Variants in LHFPL1 observed in about 807,000 individuals in gnomAD.
The protein encoded by LHFPL1 is LHFPL tetraspan subfamily member 1 protein.
LHFPL1 carries 4 observed loss-of-function variants against 12.1 expected under a neutral mutation model. The ratio of observed to expected loss-of-function variants is 0.33; its 90% confidence interval spans 0.16 to 0.76. LHFPL1 has a LOEUF of 0.76. LHFPL1 is among the 30% of genes least tolerant of loss of function. LHFPL1 has a pLI of 0.61. For synonymous variants in LHFPL1, 52 were observed against 61.9 expected, an observed-to-expected ratio of 0.84 and a Z score of 0.75; for missense variants, 141 against 174.1, an observed-to-expected ratio of 0.81 and a Z score of 1.07.
At chrX:112,666,035 C>T (rs1263655708) in intron 2 of LHFPL1, among the ~76,000 whole-genome samples, 1 of 112,199 alleles carries the variant, frequency 8.9e-6, no homozygotes, top group African/African-American at 3.2e-5. Context: ...GCACACCCCT[C>T]CACTATTCAC....
At chrX:112,668,254 T>C (rs1357157618) in intron 2 of LHFPL1, among the ~76,000 whole-genome samples, 1 of 112,180 alleles carries the variant, frequency 8.9e-6, no homozygotes, top group Non-Finnish European at 1.9e-5. Context: ...AGGCCGAAGA[T>C]GTCCAAAGAT....
chrX:112,640,667 C>A (rs1021783214), intron 3 of LHFPL1, among the ~76,000 whole-genome samples: 3 of 111,651 alleles, frequency 2.7e-5, no homozygotes, highest in African/African-American at 9.8e-5. Flanking sequence ...TTTTCAGTAA[C>A]CTAGATGAGA....
At chrX:112,645,886 C>T (rs1930670664) in intron 3 of LHFPL1, among the ~76,000 whole-genome samples, 1 of 111,592 alleles carries the variant, frequency 9.0e-6, no homozygotes, top group Non-Finnish European at 1.9e-5. Context: ...TTTTCTCCCT[C>T]TTGTTGAATG....
intron 3 of LHFPL1, among the ~76,000 whole-genome samples, chrX:112,649,964 A>G (rs1930804924): frequency 1.0e-5 from 1 of 97,193 alleles, no homozygotes; most frequent in African/African-American, 4.3e-5. Flanking sequence ...ACAAATAAAC[A>G]TCTAGTTTTT....
chrX:112,660,860 T>A, intron 2 of LHFPL1, 135 bp from the exon 3 acceptor site: 1 of 463,981 alleles, frequency 2.2e-6, no homozygotes, highest in Non-Finnish European at 3.6e-6. Flanking sequence ...TAAATTTCTA[T>A]GAGAGTACCA....
At chrX:112,632,667 A>T (rs1228083368) in intron 3 of LHFPL1, among the ~76,000 whole-genome samples, 2 of 111,725 alleles carry the variant, frequency 1.8e-5, no homozygotes, top group East Asian at 5.6e-4. Context: ...ATGACAATTT[A>T]TTTTTTAAAG....
intron 3 of LHFPL1, among the ~76,000 whole-genome samples, chrX:112,636,932 C>G (rs144217389): frequency 9.0e-6 from 1 of 111,513 alleles, no homozygotes; most frequent in Non-Finnish European, 1.9e-5. Context: ...GACATCACAC[C>G]TAGAAATTTT....
At chrX:112,679,750 G>C (rs73630513) in intron 1 of LHFPL1, 79 bp downstream of exon 1, 12,514 of 111,076 alleles carry the variant, frequency 0.11, 1,737 homozygotes, top group African/African-American at 0.39. Context: ...AGGGGAGAAG[G>C]GGGGGCTGAG....
At chrX:112,674,769 C>A (rs1466385693) in intron 1 of LHFPL1, among the ~76,000 whole-genome samples, 2 of 111,633 alleles carry the variant, frequency 1.8e-5, no homozygotes, top group Admixed American at 1.9e-4. Flanking sequence ...TGGCCATAAT[C>A]AAAAAATCAA....
At chrX:112,646,808 T>C (rs141791718) in intron 3 of LHFPL1, among the ~76,000 whole-genome samples, 23 of 111,191 alleles carry the variant, frequency 2.1e-4, no homozygotes, top group African/African-American at 6.9e-4. Context: ...TTCAGACATT[T>C]GTTTCTGAAA....
intron 3 of LHFPL1, among the ~76,000 whole-genome samples, chrX:112,656,389 TA>T (rs59288248): frequency 0.34 from 36,479 of 106,294 alleles, 6,881 homozygotes; most frequent in African/African-American, 0.72. Context: ...CTCCATCTAT[TA>T]AAAAAAAAAC....
intron 1 of LHFPL1, among the ~76,000 whole-genome samples, chrX:112,678,259 C>T (rs1931708972): frequency 9.0e-6 from 1 of 111,476 alleles, no homozygotes; most frequent in Admixed American, 9.5e-5. Context: ...GAGCTTCTCT[C>T]TCCTTCCCTC....
At chrX:112,672,995 T>C (rs1420252687) in intron 1 of LHFPL1, among the ~76,000 whole-genome samples, 1 of 111,652 alleles carries the variant, frequency 9.0e-6, no homozygotes, top group Non-Finnish European at 1.9e-5. Context: ...GATCTGCAGA[T>C]GCCTAGGCCA....
chrX:112,635,743 T>C (rs1930320284), intron 3 of LHFPL1, among the ~76,000 whole-genome samples: 1 of 112,002 alleles, frequency 8.9e-6, no homozygotes, highest in African/African-American at 3.2e-5. Context: ...ATCTTGGCTT[T>C]AGTAGTAGGA....
intron 3 of LHFPL1, among the ~76,000 whole-genome samples, chrX:112,646,691 G>C (rs1930698283): frequency 1.8e-5 from 2 of 108,678 alleles, no homozygotes; most frequent in Non-Finnish European, 3.8e-5. Flanking sequence ...GCCACTTCCT[G>C]ATTTATGTTT....
intron 3 of LHFPL1, among the ~76,000 whole-genome samples, chrX:112,645,672 G>A (rs1349243675): frequency 1.8e-5 from 2 of 111,882 alleles, no homozygotes; most frequent in East Asian, 2.8e-4. Flanking sequence ...GAGGCTTGAT[G>A]AAGAATAGCA....
At position 112,660,628 on chromosome X, in the gene LHFPL1, T is replaced by C; in HGVS notation, c.480A>G (p.Leu160=). Residue 160 remains leucine (L), a splice_region_variant and synonymous_variant, in exon 3 of 4, where the codon TTA becomes TTG. Transcript: ENST00000371968. ...TGCCATCTGCCCAGGCCACCTTACC[T>C]AACTGAAATTGATTGGAGACATTCC... The part of the protein sequence containing the change: ...TCGNVSNQFQ[L]GTCRLGWAYY... The C allele has an allele frequency of 2.5e-6, 3 of 1,205,196 alleles. No homozygotes were observed. The highest frequency in any genetic ancestry group is 3.4e-6 in the Non-Finnish European group (3 of 889,535).
In LHFPL1 at chrX:112,659,539, C is replaced by T. The variant is rs1363629469; in HGVS notation, c.481+1088G>A. Among the ~76,000 whole-genome samples the T allele has an allele frequency of 3.6e-5, 4 of 111,246 alleles. No homozygotes were observed. The Admixed American group carries it at 3.8e-4, about 11-fold the overall frequency. On this transcript the variant is annotated intron_variant, in intron 3 of 3. Coordinates refer to ENST00000371968, the MANE Select transcript of LHFPL1 (RefSeq NM_178175.4). ...TATACTAAAACCCGGTGATTATATG[C>T]ATTAAATGGGTACATTTGATAATAT...
At chrX:112,671,869 T>C (rs1037107126) in intron 1 of LHFPL1, among the ~76,000 whole-genome samples, 1 of 111,461 alleles carries the variant, frequency 9.0e-6, no homozygotes, top group Non-Finnish European at 1.9e-5. Context: ...GCAAAGTTGT[T>C]TTCAGTGAGT....
Sources: gnomAD v4.1 joint callset for allele counts (sites outside exome capture counted in the v4.1 genomes callset) on GRCh38, gnomAD v4.1.1 for gene constraint, MANE v1.5 for transcripts, NCBI Gene and HGNC (gene_info 2026-07-23, HGNC 2026-07-21) for gene names.